ASXL2: variants seen among roughly 807,000 people sequenced by gnomAD.
The protein encoded by ASXL2 is putative Polycomb group protein ASXL2.
In ASXL2, 23 loss-of-function variants were observed where a neutral mutation model predicts 122.0. The ratio of observed to expected loss-of-function variants is 0.19; its 90% CI spans 0.14 to 0.27. The LOEUF (loss-of-function observed/expected upper bound fraction) is 0.27. Among genes scored for constraint, ASXL2 ranks in the 10% least tolerant of loss-of-function variants. The pLI, the probability that ASXL2 is intolerant of heterozygous loss-of-function variation, is 1.00. For synonymous variants in ASXL2, 650 were observed against 637.0 expected (o/e 1.02, Z -0.31); for missense variants, 1,518 against 1,713.8 (o/e 0.89, Z 2.02).
chr2:25,757,474 TAAA>T (rs533398416), intron 9 of ASXL2, among the ~76,000 whole-genome samples: 2 of 98,086 alleles, frequency 2.0e-5, no homozygotes, highest in Admixed American at 1.1e-4. Context: ...CCGTCTCTAC[TAAA>T]AAAAAAAAAA....
intron 12 of ASXL2, among the ~76,000 whole-genome samples, chr2:25,748,681 C>G (rs1278059380): frequency 6.6e-6 from 1 of 152,020 alleles, no homozygotes; most frequent in Admixed American, 6.5e-5. Context: ...AGTGCGTTGC[C>G]TCTTAAATTC....
At chr2:25,863,465 G>C (rs1287469653) in intron 1 of ASXL2, among the ~76,000 whole-genome samples, 2 of 150,364 alleles carry the variant, frequency 1.3e-5, no homozygotes, top group African/African-American at 4.9e-5. Flanking sequence ...GGCCGAGGCG[G>C]GTAGATCATG....
chr2:25,742,366 C>G lies in ASXL2; in HGVS notation c.3971G>C (p.Gly1324Ala). The G allele has an allele frequency of 6.3e-7, 1 of 1,586,596 alleles. No homozygotes were observed. Residue 1324 changes from glycine (G) to alanine (A), a missense_variant, in exon 13 of 13, where the codon GGG becomes GCG. Physicochemically the swap from Gly to Ala is moderately conservative, Grantham distance 60. Transcript: ENST00000435504. The part of the protein sequence containing the change: ...PKLYGSPTQI[G>A]PSYRGMINVS... ...ATTGATCATGCCTCTATAGCTTGGCCCTATCTGGGTGGGGCTTCCATACAA... is the reference window on the plus strand; with the variant it reads ...ATTGATCATGCCTCTATAGCTTGGCGCTATCTGGGTGGGGCTTCCATACAA...
At chr2:25,872,979 G>A (rs537858858) in intron 1 of ASXL2, among the ~76,000 whole-genome samples, 2 of 152,020 alleles carry the variant, frequency 1.3e-5, no homozygotes, top group South Asian at 4.2e-4. Flanking sequence ...AAAAGGTGGT[G>A]TTTGGTTACA....
Position 25,759,723 on chromosome 2 carries a change from A to C in ASXL2, c.776-78T>G. 2.1e-6 allele frequency: 3 copies of C among 1,423,598 alleles called. No individual in the cohort carries two copies. The South Asian group carries it at 4.4e-5, about 21-fold the overall frequency. The allele number at this position is 1,423,598 out of a possible 1,614,324, so 88.2% of individuals were successfully genotyped here. A position where few individuals can be genotyped will look rare whatever the true frequency, so the allele number is the denominator to read the frequency against. On this transcript the variant is annotated intron_variant, in intron 8 of 12. Coordinates refer to ENST00000435504, the MANE Select transcript of ASXL2 (RefSeq NM_018263.6). ...TATAAACTGTAGCTTTCTGTGCAGTATAAAAAATCCACAATTGTAAGCATT... is the reference window on the plus strand; with the variant it reads ...TATAAACTGTAGCTTTCTGTGCAGTCTAAAAAATCCACAATTGTAAGCATT...
chr2:25,832,690 T>TA (rs2089467530), intron 3 of ASXL2, among the ~76,000 whole-genome samples: 1 of 152,226 alleles, frequency 6.6e-6, no homozygotes, highest in Non-Finnish European at 1.5e-5. Flanking sequence ...TCTGTACATT[T>TA]ATCCCAGAGA....
intron 2 of ASXL2, 138 bp from the exon 3 acceptor site, chr2:25,835,678 AC>A (rs1425311664): frequency 1.2e-5 from 2 of 173,418 alleles, no homozygotes. Context: ...CAAATTAGTA[AC>A]CCCCTCATTA....
Position 25,808,885 on chromosome 2 carries a change from T to A in ASXL2, c.144-2548A>T, listed in dbSNP as rs2089123086. Among the ~76,000 whole-genome samples, 3 of 152,056 alleles carry A rather than the reference T, an allele frequency of 2.0e-5. No individual in the cohort carries two copies. In the South Asian group the frequency reaches 6.2e-4, roughly 32 times the overall value. On this transcript the variant is annotated intron_variant, in intron 3 of 12. Transcript: ENST00000435504. ...ACCTTACCAGAAAATGGGGATTGGG[T>A]AGGGAAAGAAACTTTAAAAGATCAG...
intron 1 of ASXL2, among the ~76,000 whole-genome samples, chr2:25,859,749 A>C (rs2089822534): frequency 6.6e-6 from 1 of 152,248 alleles, no homozygotes; most frequent in South Asian, 2.1e-4. Flanking sequence ...AATTAAAAGA[A>C]ACAAATCATA....
rs370651437 is a variant in ASXL2 at position 25,799,409 on chromosome 2, T to C, written c.379A>G (p.Lys127Glu). 2.5e-6 allele frequency: 4 copies of C among 1,613,912 alleles called. No homozygotes were observed. In the African/African-American group the frequency reaches 4.0e-5, roughly 16 times the overall value. Residue 127 changes from lysine to glutamate, a missense_variant, in exon 5 of 13, where the codon AAA becomes GAA. Transcript: ENST00000435504. Reference sequence around the variant, plus strand: ...CCTTTCCTTTTCCACCTGCTCTTTTTTCCCTCCTTGTTGCTGCCACCATCA... The same window carrying C: ...CCTTTCCTTTTCCACCTGCTCTTTTCTCCCTCCTTGTTGCTGCCACCATCA... ...SSDGGSNKEG[K>E]KSRWKRKVSS... is the part of the protein sequence containing the mutation.
At chr2:25,803,222 C>T (rs1408530740) in intron 4 of ASXL2, among the ~76,000 whole-genome samples, 1 of 152,224 alleles carries the variant, frequency 6.6e-6, no homozygotes, top group Non-Finnish European at 1.5e-5. Flanking sequence ...GGAGAGGGCA[C>T]ACAAGCTCTG....
chr2:25,740,208 T>C lies in ASXL2; in HGVS notation c.*1821A>G, dbSNP rs1307676605. ...GCCAGAAGTGAAAAGTGAAAAACAG[T>C]GAAGTGAGTTTCTTACGGAGAGGAG... On this transcript the variant is annotated 3_prime_UTR_variant, in exon 13 of 13. Coordinates refer to ENST00000435504, the MANE Select transcript of ASXL2 (RefSeq NM_018263.6). 4.5e-6 allele frequency: 1 copy of C among 220,616 alleles called. No individual in the cohort carries two copies. Among genetic ancestry groups the C allele is most frequent in the Non-Finnish European group, 9.0e-6 (1 of 110,594 alleles). The allele number at this position is 220,616 out of a possible 1,614,324, so 13.7% of individuals were successfully genotyped here. A position where few individuals can be genotyped will look rare whatever the true frequency, so the allele number is the denominator to read the frequency against.
chr2:25,853,598 C>A (rs532027715), intron 1 of ASXL2, among the ~76,000 whole-genome samples: 5 of 152,280 alleles, frequency 3.3e-5, no homozygotes, highest in Admixed American at 1.3e-4. Context: ...TATAGCAGCA[C>A]CGTATACATC....
At chr2:25,770,976 G>T (rs184270271) in intron 6 of ASXL2, among the ~76,000 whole-genome samples, 1 of 152,178 alleles carries the variant, frequency 6.6e-6, no homozygotes, top group East Asian at 1.9e-4. Context: ...GGTGGCACAC[G>T]CCTGTAATCC....
Position 25,742,064 on chromosome 2 carries a change from A to T in ASXL2, c.4273T>A (p.Ser1425Thr), listed in dbSNP as rs1295542751. Residue 1425 changes from serine to threonine, a missense_variant, in exon 13 of 13, where the codon TCC becomes ACC. Physicochemically the swap from Ser to Thr is moderately conservative, Grantham distance 58 (BLOSUM62 1). Around this residue, in one of 8 missense-constraint regions of ASXL2, gnomAD observed 17 missense variants for 37.3 expected, o/e 0.46. Transcript: ENST00000435504. ...AFCHDDCIGP[S>T]KLCVSCLVVR ...ACAAGGCAGGAGACGCACAGTTTGGAGGGGCCGATGCAATCATCATGGCAG... is the reference window on the plus strand; with the variant it reads ...ACAAGGCAGGAGACGCACAGTTTGGTGGGGCCGATGCAATCATCATGGCAG... The T allele has an allele frequency of 1.2e-6, 2 of 1,613,786 alleles. No individual in the cohort carries two copies. Among genetic ancestry groups the T allele is most frequent in the African/African-American group, 1.3e-5 (1 of 74,926 alleles).
rs1387578378 is a variant in ASXL2, at chr2:25,734,865, A to C, written c.*7164T>G. On this transcript the variant is annotated 3_prime_UTR_variant, in exon 13 of 13. Coordinates refer to ENST00000435504, the MANE Select transcript of ASXL2 (RefSeq NM_018263.6). ...GGCAATTCAACATTACATTAAGTGA[A>C]TCTAAAATCTTAAAAAGAAATCTCT... The C allele has an allele frequency of 6.6e-6, 1 of 152,228 alleles. No individual in the cohort carries two copies. Among genetic ancestry groups the C allele is most frequent in the Non-Finnish European group, 1.5e-5 (1 of 68,036 alleles). 9.4% of individuals were successfully genotyped at this position (152,228 alleles called of 1,614,324 possible).
At chr2:25,801,039 A>G (rs1375117667) in intron 4 of ASXL2, among the ~76,000 whole-genome samples, 1 of 151,968 alleles carries the variant, frequency 6.6e-6, no homozygotes, top group African/African-American at 2.4e-5. Context: ...CAATCTTCCC[A>G]CCTCAGCCTC....
intron 3 of ASXL2, chr2:25,822,743 A>G: frequency 1.5e-6 from 1 of 658,296 alleles, no homozygotes; most frequent in South Asian, 1.4e-5. Context: ...TAACAAAAGG[A>G]AGGGCAAAAC....
intron 1 of ASXL2, among the ~76,000 whole-genome samples, chr2:25,864,754 C>T (rs1370910227): frequency 6.6e-6 from 1 of 151,826 alleles, no homozygotes; most frequent in Non-Finnish European, 1.5e-5. Flanking sequence ...ACAAATGATA[C>T]TAAATTATAC....
Sources: allele counts gnomAD v4.1 joint callset (sites outside exome capture counted in the v4.1 genomes callset), GRCh38; gene constraint gnomAD v4.1.1; regional missense constraint gnomAD v4.1.1; transcripts MANE v1.5; gene names NCBI Gene and HGNC (gene_info 2026-07-23, HGNC 2026-07-21).